KCNQ5: variants seen among roughly 807,000 people sequenced by gnomAD.
KCNQ5 encodes potassium voltage-gated channel subfamily Q member 5.
In KCNQ5, 30 loss-of-function variants were observed where a neutral mutation model predicts 98.2. The ratio of observed to expected loss-of-function variants is 0.31; its 90% CI spans 0.23 to 0.41. The LOEUF (loss-of-function observed/expected upper bound fraction) is 0.41, where lower values mean the gene tolerates loss of function less well. Among genes scored for constraint, KCNQ5 ranks in the 10% least tolerant of loss-of-function variants. KCNQ5 has a pLI of 1.00. For missense variants in KCNQ5, 835 were observed against 1,182.5 expected (o/e 0.71, Z 4.31); for synonymous variants, 458 against 449.4 (o/e 1.02, Z -0.24).
chr6:73,176,441 C>T (rs1778216740), intron 11 of KCNQ5, among the ~76,000 whole-genome samples: 1 of 152,216 alleles, frequency 6.6e-6, no homozygotes, highest in African/African-American at 2.4e-5. Context: ...CCTGCAGAAC[C>T]ATGAGCCAAT....
At chr6:73,043,591 A>G (rs1464893813) in intron 3 of KCNQ5, among the ~76,000 whole-genome samples, 1 of 152,226 alleles carries the variant, frequency 6.6e-6, no homozygotes, top group African/African-American at 2.4e-5. Flanking sequence ...ACTGCACAAC[A>G]AGTACTTTCT....
At chr6:72,887,867 T>C (rs1265571208) in intron 1 of KCNQ5, among the ~76,000 whole-genome samples, 1 of 152,038 alleles carries the variant, frequency 6.6e-6, no homozygotes, top group Non-Finnish European at 1.5e-5. Context: ...AAAGCACAAA[T>C]ATACTGTTAA....
intron 1 of KCNQ5, among the ~76,000 whole-genome samples, chr6:72,695,572 A>G (rs1768445551): frequency 6.6e-6 from 1 of 152,158 alleles, no homozygotes; most frequent in Admixed American, 6.5e-5. Context: ...AAATCATGTA[A>G]CAACACTTCT....
chr6:73,056,716 T>C (rs1222975275), intron 3 of KCNQ5, among the ~76,000 whole-genome samples: 1 of 152,168 alleles, frequency 6.6e-6, no homozygotes, highest in Non-Finnish European at 1.5e-5. Flanking sequence ...AGCATAACTG[T>C]ACTAAATCCT....
At chr6:72,910,602 GTGTGGC>G in intron 1 of KCNQ5, among the ~76,000 whole-genome samples, 1 of 139,410 alleles carries the variant, frequency 7.2e-6, no homozygotes, top group Non-Finnish European at 1.6e-5. Flanking sequence ...GTGTGTGTGT[GTGTGGC>G]TGATAAATTA....
At chr6:72,806,776 A>G in intron 1 of KCNQ5, 1 of 449,308 alleles carries the variant, frequency 2.2e-6, no homozygotes, top group Non-Finnish European at 4.5e-6. Flanking sequence ...CTCAAGCCAA[A>G]CCCGTTTTTG....
In KCNQ5 at chr6:73,197,624, CACACACACACACACACA is replaced by C. The variant is rs1765841581; in HGVS notation, c.*2211_*2227del. 5 of 135,810 alleles carry C rather than the reference CACACACACACACACACA, an allele frequency of 3.7e-5. No homozygotes were observed. The highest frequency in any genetic ancestry group is 1.3e-4 in the African/African-American group (5 of 37,174). The allele number at this position is 135,810 out of a possible 1,614,324, so 8.4% of individuals were successfully genotyped here. On this transcript the variant is annotated 3_prime_UTR_variant, in exon 14 of 14. Transcript: ENST00000370398. Reference sequence around the variant, plus strand: ...ACACACACACACACACACACACACACACACACACACACACACACCCCTCCACTGACCTAAAGCCAGAC... The same window carrying C: ...ACACACACACACACACACACACACACCCCCTCCACTGACCTAAAGCCAGAC...
In KCNQ5 at chr6:72,951,531, C is replaced by T. The variant is rs911212421; in HGVS notation, c.399-52377C>T. On this transcript the variant is annotated intron_variant, in intron 1 of 13. Transcript: ENST00000370398. ...ACTCTTGACCTCAGGTGATCCACCC[C>T]CTTGGCCTCCCAAAGTGCTGGGATT... is the stretch of plus-strand genomic sequence containing the variant. Among the ~76,000 whole-genome samples, 4 of 151,750 alleles carry T rather than the reference C, an allele frequency of 2.6e-5. No individual in the cohort carries two copies. In the East Asian group the frequency reaches 7.7e-4, roughly 29 times the overall value.
At position 72,801,326 on chromosome 6, in the gene KCNQ5, T is replaced by G. The variant is rs1774643647; in HGVS notation, c.398+178739T>G. 6.9e-5 allele frequency among the ~76,000 whole-genome samples: 10 copies of G among 144,076 alleles called. No individual in the cohort carries two copies. The South Asian group carries it at 2.0e-3, about 29-fold the overall frequency. 94.5% of individuals were successfully genotyped at this position (144,076 alleles called of 152,430 possible). Reference sequence around the variant, plus strand: ...TGGGTGCTCCTGTATTGGGTGCATATATATTTAGGATAGTTAGCTCTTCTT... The same window carrying G: ...TGGGTGCTCCTGTATTGGGTGCATAGATATTTAGGATAGTTAGCTCTTCTT... On this transcript the variant is annotated intron_variant, in intron 1 of 13. Transcript: ENST00000370398.
chr6:73,101,014 A>G (rs1196696086), intron 5 of KCNQ5, among the ~76,000 whole-genome samples: 1 of 152,186 alleles, frequency 6.6e-6, no homozygotes, highest in African/African-American at 2.4e-5. Context: ...CAGCAAAGAA[A>G]AACCTGAAAC....
At chr6:73,111,000 A>C (rs1775222769) in intron 6 of KCNQ5, among the ~76,000 whole-genome samples, 1 of 152,184 alleles carries the variant, frequency 6.6e-6, no homozygotes, top group Admixed American at 6.5e-5. Context: ...CACACAAAAA[A>C]ATTTTATTGT....
intron 1 of KCNQ5, among the ~76,000 whole-genome samples, chr6:72,865,481 T>C (rs11961063): frequency 0.028 from 4,216 of 152,260 alleles, 203 homozygotes; most frequent in African/African-American, 0.095. Context: ...AATGGTCCTG[T>C]CACCATTCTT....
chr6:72,957,978 A>C (rs966330525), intron 1 of KCNQ5, among the ~76,000 whole-genome samples: 1 of 152,162 alleles, frequency 6.6e-6, no homozygotes, highest in Non-Finnish European at 1.5e-5. Flanking sequence ...GAATGACTAC[A>C]TTATTTTCTA....
At chr6:73,178,675 A>G (rs1778302288) in intron 11 of KCNQ5, among the ~76,000 whole-genome samples, 1 of 152,058 alleles carries the variant, frequency 6.6e-6, no homozygotes, top group Non-Finnish European at 1.5e-5. Context: ...AGAAAATGAG[A>G]CAGATCAGTG....
chr6:72,690,715 G>GAAA (rs775810471), intron 1 of KCNQ5, among the ~76,000 whole-genome samples: 2 of 109,340 alleles, frequency 1.8e-5, no homozygotes, highest in African/African-American at 6.3e-5. Context: ...CTGTTACCAA[G>GAAA]AAAAAAAAAA....
At chr6:73,005,367 T>A (rs1769768873) in intron 2 of KCNQ5, among the ~76,000 whole-genome samples, 1 of 152,220 alleles carries the variant, frequency 6.6e-6, no homozygotes, top group South Asian at 2.1e-4. Context: ...ACCAGGAATT[T>A]TAGACTGAAA....
intron 3 of KCNQ5, among the ~76,000 whole-genome samples, chr6:73,051,419 T>A (rs986859491): frequency 2.0e-5 from 3 of 152,164 alleles, no homozygotes; most frequent in African/African-American, 7.2e-5. Flanking sequence ...TGAGCACAGA[T>A]CCTGCTGCCA....
At chr6:72,712,090 G>A (rs1769398588) in intron 1 of KCNQ5, among the ~76,000 whole-genome samples, 1 of 152,160 alleles carries the variant, frequency 6.6e-6, no homozygotes, top group African/African-American at 2.4e-5. Flanking sequence ...TCAAATGCAT[G>A]GAACAGTGCT....
chr6:72,972,360 CT>C (rs11447499), intron 1 of KCNQ5, among the ~76,000 whole-genome samples: 1 of 150,910 alleles, frequency 6.6e-6, no homozygotes, highest in Non-Finnish European at 1.5e-5. Context: ...TGAGCTGCTT[CT>C]TTTTTTTTCT....
Sources: allele counts gnomAD v4.1 joint callset (sites outside exome capture counted in the v4.1 genomes callset), GRCh38; gene constraint gnomAD v4.1.1; transcripts MANE v1.5; gene names NCBI Gene and HGNC (gene_info 2026-07-23, HGNC 2026-07-21).